Variants in CNGA3 observed in about 807,000 individuals in gnomAD.
CNGA3 encodes cyclic nucleotide gated channel subunit alpha 3, also known as cyclic nucleotide-gated channel alpha-3.
Under a neutral mutation model 46.6 loss-of-function variants are expected in CNGA3, and 42 were observed. The observed-to-expected ratio is 0.90, with a 90% CI of 0.70 to 1.17. The LOEUF (loss-of-function observed/expected upper bound fraction) is 1.17. CNGA3 is among the 50% of genes most tolerant of loss of function. The probability of loss-of-function intolerance (pLI) is 0.00; values close to 1 mark genes in which losing one functional copy is unlikely to be tolerated. For missense variants in CNGA3, 893 were observed against 890.7 expected (o/e 1.00, Z -0.03); for synonymous variants, 394 against 369.4 (o/e 1.07, Z -0.76).
intron 4 of CNGA3, among the ~76,000 whole-genome samples, chr2:98,381,968 CT>C (rs1294921211): frequency 6.6e-6 from 1 of 152,158 alleles, no homozygotes; most frequent in Non-Finnish European, 1.5e-5. Flanking sequence ...CAAAGACTTC[CT>C]TATTTAAATT....
At position 98,397,470 on chromosome 2, in the gene CNGA3, G is replaced by T. The variant is rs960598748; in HGVS notation, c.*215G>T. The T allele has an allele frequency of 2.6e-5, 16 of 610,526 alleles. No individual in the cohort carries two copies. The highest frequency in any genetic ancestry group is 4.4e-5 in the Non-Finnish European group (15 of 343,988). 37.8% of individuals were successfully genotyped at this position (610,526 alleles called of 1,614,324 possible). A position where few individuals can be genotyped will look rare whatever the true frequency, so the allele number is the denominator to read the frequency against. ...AGTGCCAGGTTTGATTGTGAAGTCCGCATGAAACACTGCACCAGGCAGGGC... is the reference window on the plus strand; with the variant it reads ...AGTGCCAGGTTTGATTGTGAAGTCCTCATGAAACACTGCACCAGGCAGGGC... On this transcript the variant is annotated 3_prime_UTR_variant, in exon 8 of 8. Coordinates refer to ENST00000272602, the MANE Select transcript of CNGA3 (RefSeq NM_001298.3).
chr2:98,369,341 T>G (rs1416029383), intron 1 of CNGA3, among the ~76,000 whole-genome samples: 1 of 152,218 alleles, frequency 6.6e-6, no homozygotes, highest in East Asian at 1.9e-4. Flanking sequence ...ACAAGCTACT[T>G]AACATCTCTG....
At chr2:98,381,585 T>C (rs1035341415) in intron 4 of CNGA3, among the ~76,000 whole-genome samples, 48 of 152,292 alleles carry the variant, frequency 3.2e-4, no homozygotes, top group South Asian at 8.3e-4. Flanking sequence ...ACGGGCATTT[T>C]TAAGATGGAA....
At chr2:98,389,608 G>A (rs200854372) in intron 5 of CNGA3, 50 bp from the exon 6 acceptor site, 53 of 1,531,194 alleles carry the variant, frequency 3.5e-5, no homozygotes, top group Non-Finnish European at 4.3e-5. Flanking sequence ...ACCCTCCAAA[G>A]CTACAGTCTT....
chr2:98,393,562 G>A (rs1387815625), intron 7 of CNGA3, among the ~76,000 whole-genome samples: 1 of 152,210 alleles, frequency 6.6e-6, no homozygotes, highest in Non-Finnish European at 1.5e-5. Context: ...TTGCGTGGGT[G>A]GCCTAGCCAG....
intron 1 of CNGA3, among the ~76,000 whole-genome samples, chr2:98,367,194 T>C (rs1005551076): frequency 1.0e-4 from 15 of 143,766 alleles, no homozygotes; most frequent in Admixed American, 1.4e-4. Context: ...TCTTTTTTTT[T>C]TTTTTTTATT....
rs778373042 is a variant in CNGA3, at chr2:98,396,612, G to GC, written c.1443dup (p.Ile482HisfsTer6). On this transcript the variant is annotated frameshift_variant, in exon 8 of 8. Transcript: ENST00000272602. LOFTEE classifies it high-confidence loss of function. ...CACCTGGACACGCTGAAGAAGGTTC[G>GC]CATCTTCCAGGACTGTGAGGCAGGG... 2.5e-6 allele frequency: 4 copies of GC among 1,613,990 alleles called. No homozygotes were observed. The South Asian group carries it at 4.4e-5, about 18-fold the overall frequency.
chr2:98,385,174 G>C (rs1692624243), intron 5 of CNGA3, among the ~76,000 whole-genome samples: 1 of 152,084 alleles, frequency 6.6e-6, no homozygotes. Context: ...CGTAATCCAG[G>C]GCCACAAATC....
At chr2:98,381,170 G>C (rs976950542) in intron 4 of CNGA3, among the ~76,000 whole-genome samples, 2 of 152,170 alleles carry the variant, frequency 1.3e-5, no homozygotes, top group Admixed American at 6.5e-5. Flanking sequence ...TCACTGAGCA[G>C]TAGAGGGTCT....
chr2:98,347,456 C>A (rs1691660421), intron 1 of CNGA3, among the ~76,000 whole-genome samples: 1 of 152,224 alleles, frequency 6.6e-6, no homozygotes. Context: ...CAACCCCGGG[C>A]CGGGTGATTC....
At position 98,396,899 on chromosome 2, in the gene CNGA3, T is replaced by C; in HGVS notation, c.1729T>C (p.Phe577Leu). 1 of 1,614,122 alleles carries C rather than the reference T, an allele frequency of 6.2e-7. No homozygotes were observed. The highest frequency in any genetic ancestry group is 8.5e-7 in the Non-Finnish European group (1 of 1,180,024). ...CCGCAGCATTGGCTACTCAGACCTG[T>C]TCTGCCTCTCAAAGGACGATCTCAT... is the stretch of plus-strand genomic sequence containing the variant. ...NIRSIGYSDL[F>L]CLSKDDLMEA... The change falls in exon 8 of 8, where the codon TTC becomes CTC. Residue 577 changes from phenylalanine to leucine, a missense_variant. This residue lies in a region of CNGA3 where 548 missense variants were observed against 570.8 expected (regional missense o/e 0.96). Coordinates refer to ENST00000272602, the MANE Select transcript of CNGA3 (RefSeq NM_001298.3).
chr2:98,395,416 C>T lies in CNGA3; in HGVS notation c.674-428C>T, dbSNP rs767257168. The stretch of plus-strand genomic sequence containing the variant: ...AACCCTTGACCTCAGGTGATCCACC[C>T]GCCTCGGCCTCTCAAAGTACTGGGA... On this transcript the variant is annotated intron_variant, in intron 7 of 7. Transcript: ENST00000272602. 2.6e-4 allele frequency among the ~76,000 whole-genome samples: 39 copies of T among 152,272 alleles called. 1 individual carries two copies. The East Asian group carries it at 4.0e-3, about 16-fold the overall frequency.
chr2:98,347,802 G>C (rs936433062), intron 1 of CNGA3, among the ~76,000 whole-genome samples: 1 of 152,242 alleles, frequency 6.6e-6, no homozygotes, highest in African/African-American at 2.4e-5. Context: ...CTCCATCCCG[G>C]AGTGGACAGC....
intron 1 of CNGA3, among the ~76,000 whole-genome samples, chr2:98,347,554 G>C (rs1203540586): frequency 1.3e-5 from 2 of 152,216 alleles, no homozygotes; most frequent in Non-Finnish European, 2.9e-5. Flanking sequence ...CGGTTGGCGC[G>C]GCGCGTGAGG....
intron 7 of CNGA3, among the ~76,000 whole-genome samples, chr2:98,392,422 C>T (rs1184961891): frequency 1.3e-5 from 2 of 151,926 alleles, no homozygotes; most frequent in Non-Finnish European, 2.9e-5. Context: ...TAGCTGGGCC[C>T]ACTGGCATGT....
chr2:98,363,718 ACCTAGTACATTCCTATGTACATT>A (rs1692084136), intron 1 of CNGA3, among the ~76,000 whole-genome samples: 1 of 152,176 alleles, frequency 6.6e-6, no homozygotes, highest in African/African-American at 2.4e-5. Context: ...TTCCATCAAT[ACCTAGTACATTCCTATGTACATT>A]CCTAGTACAA....
chr2:98,372,422 A>G (rs1237532627), intron 2 of CNGA3, among the ~76,000 whole-genome samples: 6 of 152,200 alleles, frequency 3.9e-5, no homozygotes, highest in Admixed American at 1.3e-4. Flanking sequence ...GATCAGCCAC[A>G]TGGTCAGGGG....
At chr2:98,376,769 T>C (rs934611742) in intron 2 of CNGA3, among the ~76,000 whole-genome samples, 2 of 152,238 alleles carry the variant, frequency 1.3e-5, no homozygotes, top group Non-Finnish European at 2.9e-5. Flanking sequence ...TCAAGACTCA[T>C]AGACTGAAGT....
intron 2 of CNGA3, 80 bp from the exon 3 acceptor site, chr2:98,377,607 T>C: frequency 7.3e-7 from 1 of 1,361,150 alleles, no homozygotes; most frequent in Non-Finnish European, 1.0e-6. Flanking sequence ...GCAGAACATC[T>C]GACTGTCTCA....
Sources: gnomAD v4.1 joint callset for allele counts (sites outside exome capture counted in the v4.1 genomes callset) on GRCh38, gnomAD v4.1.1 for gene constraint, gnomAD v4.1.1 regional missense constraint, MANE v1.5 for transcripts, NCBI Gene and HGNC (gene_info 2026-07-23, HGNC 2026-07-21) for gene names.